The following SPATA16 variants were observed in gnomAD, a reference collection of about 807,000 sequenced individuals.
The protein encoded by SPATA16 is spermatogenesis-associated protein 16.
A neutral mutation model predicts 63.3 loss-of-function variants in SPATA16; 36 were observed. The observed-to-expected ratio is 0.57, with a 90% CI of 0.44 to 0.75. The LOEUF (loss-of-function observed/expected upper bound fraction) is 0.75, where lower values mean the gene tolerates loss of function less well. Ranked by LOEUF, SPATA16 falls within the 30% of genes least tolerant of loss-of-function variation. The pLI is 0.00. For synonymous variants in SPATA16, 203 were observed against 216.7 expected (o/e 0.94, Z 0.56); for missense variants, 646 against 679.3 (o/e 0.95, Z 0.54).
At chr3:172,957,489 A>G (rs1452045999) in intron 5 of SPATA16, among the ~76,000 whole-genome samples, 1 of 152,196 alleles carries the variant, frequency 6.6e-6, no homozygotes, top group Non-Finnish European at 1.5e-5. Flanking sequence ...AAATAGGTCC[A>G]TTACTATTTG....
intron 4 of SPATA16, among the ~76,000 whole-genome samples, chr3:173,005,410 C>T (rs1734920913): frequency 6.6e-6 from 1 of 150,648 alleles, no homozygotes; most frequent in Non-Finnish European, 1.5e-5. Flanking sequence ...TTTAACATGA[C>T]ATTTTGGGGC....
chr3:172,908,937 C>G (rs1009997999), intron 10 of SPATA16, among the ~76,000 whole-genome samples: 5 of 151,958 alleles, frequency 3.3e-5, no homozygotes, highest in African/African-American at 1.2e-4. Flanking sequence ...GAAAGTGATA[C>G]AATCATCTTT....
At chr3:173,036,164 T>G (rs1266066930) in intron 3 of SPATA16, among the ~76,000 whole-genome samples, 1 of 151,998 alleles carries the variant, frequency 6.6e-6, no homozygotes, top group Non-Finnish European at 1.5e-5. Context: ...TATATTTTAC[T>G]TGGAAGAATG....
intron 3 of SPATA16, among the ~76,000 whole-genome samples, chr3:173,030,101 T>C (rs867454210): frequency 1.5e-5 from 2 of 129,408 alleles, no homozygotes; most frequent in Non-Finnish European, 3.3e-5. Flanking sequence ...TATCTATCTA[T>C]CTACCCACCC....
chr3:172,976,459 T>G (rs1734161076), intron 5 of SPATA16, among the ~76,000 whole-genome samples: 1 of 152,264 alleles, frequency 6.6e-6, no homozygotes, highest in African/African-American at 2.4e-5. Flanking sequence ...GGCAGCTGAT[T>G]GACCTTTGGT....
intron 6 of SPATA16, among the ~76,000 whole-genome samples, chr3:172,943,609 G>A (rs1321409477): frequency 7.2e-5 from 11 of 152,080 alleles, no homozygotes; most frequent in South Asian, 4.1e-4. Context: ...GCATGGTGGC[G>A]CATGCCTGTA....
At chr3:173,011,951 C>A (rs1028883465) in intron 4 of SPATA16, among the ~76,000 whole-genome samples, 1 of 152,030 alleles carries the variant, frequency 6.6e-6, no homozygotes, top group Non-Finnish European at 1.5e-5. Flanking sequence ...GTAGCTAGTA[C>A]TACATGTGTG....
At chr3:173,057,625 T>G (rs186101680) in intron 2 of SPATA16, among the ~76,000 whole-genome samples, 1 of 152,322 alleles carries the variant, frequency 6.6e-6, no homozygotes, top group East Asian at 1.9e-4. Context: ...TAAATACTGC[T>G]AACTTAGTAT....
chr3:173,005,137 A>G (rs1734912431), intron 4 of SPATA16, among the ~76,000 whole-genome samples: 1 of 152,028 alleles, frequency 6.6e-6, no homozygotes, highest in Non-Finnish European at 1.5e-5. Context: ...CCTGGCCAAC[A>G]TGGTGAAACC....
At chr3:172,956,570 G>A in intron 6 of SPATA16, 107 bp downstream of exon 6, 1 of 1,244,644 alleles carries the variant, frequency 8.0e-7, no homozygotes. Flanking sequence ...GATGAAAACA[G>A]TGTACTCCTA....
intron 4 of SPATA16, among the ~76,000 whole-genome samples, chr3:172,992,181 C>T (rs924016150): frequency 1.3e-5 from 2 of 151,380 alleles, no homozygotes; most frequent in African/African-American, 4.9e-5. Context: ...CTTTTTTCTT[C>T]TATTTAAAAA....
At chr3:172,981,047 T>C (rs1734299987) in intron 4 of SPATA16, among the ~76,000 whole-genome samples, 1 of 152,208 alleles carries the variant, frequency 6.6e-6, no homozygotes. Context: ...TCAGTCTTCA[T>C]TTTCTATACA....
chr3:173,127,610 T>C (rs1738260975), intron 1 of SPATA16, among the ~76,000 whole-genome samples: 1 of 152,246 alleles, frequency 6.6e-6, no homozygotes. Flanking sequence ...ATTTTTCTGA[T>C]ACTTCTTCAT....
chr3:173,013,570 A>G (rs1735117037), intron 4 of SPATA16, among the ~76,000 whole-genome samples: 2 of 152,358 alleles, frequency 1.3e-5, no homozygotes, highest in South Asian at 4.1e-4. Context: ...GAAAGCAGGG[A>G]TACAGAGGCG....
chr3:173,130,377 A>G (rs1372812881), intron 1 of SPATA16, among the ~76,000 whole-genome samples: 2 of 151,504 alleles, frequency 1.3e-5, no homozygotes, highest in Admixed American at 6.6e-5. Flanking sequence ...AAAAAAAAAA[A>G]AAAAAAGAAA....
chr3:172,905,063 A>G (rs1482140140), intron 10 of SPATA16, among the ~76,000 whole-genome samples: 1 of 152,036 alleles, frequency 6.6e-6, no homozygotes, highest in Non-Finnish European at 1.5e-5. Flanking sequence ...CAGCGTGATC[A>G]GCAGTAAAAG....
chr3:172,942,713 G>A (rs528002249), intron 6 of SPATA16, among the ~76,000 whole-genome samples: 1 of 152,048 alleles, frequency 6.6e-6, no homozygotes, highest in Non-Finnish European at 1.5e-5. Context: ...AAAAAACCCT[G>A]CATTCCAAAA....
intron 6 of SPATA16, among the ~76,000 whole-genome samples, chr3:172,950,148 C>G (rs1733396428): frequency 6.6e-6 from 1 of 152,148 alleles, no homozygotes; most frequent in Non-Finnish European, 1.5e-5. Context: ...ATATGCTAAG[C>G]AGAAGACATT....
At chr3:173,110,467 T>A (rs1357618622) in intron 2 of SPATA16, among the ~76,000 whole-genome samples, 1 of 152,228 alleles carries the variant, frequency 6.6e-6, no homozygotes, top group African/African-American at 2.4e-5. Flanking sequence ...CTATGGATGT[T>A]AAACAATGTT....
Sources: allele counts gnomAD v4.1 joint callset (sites outside exome capture counted in the v4.1 genomes callset), GRCh38; gene constraint gnomAD v4.1.1; transcripts MANE v1.5; gene names NCBI Gene and HGNC (gene_info 2026-07-23, HGNC 2026-07-21).